The following DPH1 variants were observed in gnomAD, a reference collection of about 807,000 sequenced individuals.
DPH1 encodes the protein 2-(3-amino-3-carboxypropyl)histidine synthase subunit 1.
A neutral mutation model predicts 55.3 loss-of-function variants in DPH1; 59 were observed. The ratio of observed to expected loss-of-function variants is 1.07; its 90% CI spans 0.87 to 1.33. The LOEUF (loss-of-function observed/expected upper bound fraction) is 1.33, where lower values mean the gene tolerates loss of function less well. DPH1 is among the 40% of genes most tolerant of loss of function. The pLI, the probability that DPH1 is intolerant of heterozygous loss-of-function variation, is 0.00. For synonymous variants in DPH1, 238 were observed against 235.5 expected, an observed-to-expected ratio of 1.01 and a Z score of -0.10; for missense variants, 628 against 584.8, an observed-to-expected ratio of 1.07 and a Z score of -0.76.
intron 12 of DPH1, 108 bp from the exon 13 acceptor site, chr17:2,042,497 A>T: frequency 7.1e-7 from 1 of 1,401,702 alleles, no homozygotes; most frequent in Non-Finnish European, 9.3e-7. Flanking sequence ...TTTTGCCTCG[A>T]TTCCCTTTTT....
At chr17:2,042,107 G>T in intron 12 of DPH1, 1 of 1,568,836 alleles carries the variant, frequency 6.4e-7, no homozygotes, top group Non-Finnish European at 8.6e-7. Context: ...AGAGCGAGCG[G>T]GGCTTCCGTG....
chr17:2,042,244 C>T (rs2067549969), intron 12 of DPH1: 20 of 1,414,282 alleles, frequency 1.4e-5, no homozygotes, highest in Non-Finnish European at 1.7e-5. Context: ...GAGACAAGCC[C>T]CGCTCCGGAA....
Position 2,041,479 on chromosome 17 carries a change from A to G in DPH1, c.1087-2A>G, listed in dbSNP as rs1390388854. 6.2e-7 allele frequency: 1 copy of G among 1,601,382 alleles called. No homozygotes were observed. Among genetic ancestry groups the G allele is most frequent in the African/African-American group, 1.3e-5 (1 of 74,326 alleles). On this transcript the variant is annotated splice_acceptor_variant, in intron 10 of 12. Transcript: ENST00000263083. LOFTEE classifies it high-confidence loss of function. ...TTATTGTCCCTCCCTCCCCTCCCCTAGGCGGCCGTGGCTCTGAGGGACATT... is the reference window on the plus strand; with the variant it reads ...TTATTGTCCCTCCCTCCCCTCCCCTGGGCGGCCGTGGCTCTGAGGGACATT...
intron 7 of DPH1, 132 bp downstream of exon 7, chr17:2,039,955 C>A: frequency 7.3e-7 from 1 of 1,379,054 alleles, no homozygotes; most frequent in Non-Finnish European, 1.0e-6. Context: ...GGCACTTGGG[C>A]CCTGGATCTG....
Position 2,036,917 on chromosome 17 carries a change from G to C in DPH1, c.641G>C (p.Cys214Ser), listed in dbSNP as rs2067436299. The change falls in exon 6 of 13, where the codon TGC becomes TCC. Residue 214 changes from cysteine to serine, a missense_variant. Transcript: ENST00000263083. This position sits in a 1 kb window ranked among gnomAD's most constrained non-coding sequence, Gnocchi z 4.8. ...CTGTCCCCTGGAGAGATCCTGGGCT[G>C]CACATCCCCCCGACTGTCCAAAGAG... The part of the protein sequence containing the change: ...KPLSPGEILG[C>S]TSPRLSKEVE... The C allele has an allele frequency of 1.2e-6, 2 of 1,613,746 alleles. No homozygotes were observed. The highest frequency in any genetic ancestry group is 1.7e-6 in the Non-Finnish European group (2 of 1,179,988).
At chr17:2,034,472 C>A (rs1375146806) in intron 3 of DPH1, among the ~76,000 whole-genome samples, 1 of 138,738 alleles carries the variant, frequency 7.2e-6, no homozygotes, top group African/African-American at 2.7e-5. Context: ...TGCCCCATCG[C>A]CCTCCCCTGC....
At chr17:2,042,116 TGA>T in intron 12 of DPH1, 1 of 1,565,516 alleles carries the variant, frequency 6.4e-7, no homozygotes, top group Admixed American at 1.8e-5. Context: ...GGGGCTTCCG[TGA>T]GAAGACCGGG....
At chr17:2,031,089 C>T (rs566719320) in intron 1 of DPH1, among the ~76,000 whole-genome samples, 1 of 152,276 alleles carries the variant, frequency 6.6e-6, no homozygotes, top group Admixed American at 6.5e-5. Context: ...TATCCTCAGA[C>T]TCTGTGGCTC....
chr17:2,042,394 C>G (rs1039036795), intron 12 of DPH1: 1 of 1,275,300 alleles, frequency 7.8e-7, no homozygotes, highest in African/African-American at 1.6e-5. Flanking sequence ...CAAACTGCAG[C>G]CTGTCCTCCC....
intron 1 of DPH1, among the ~76,000 whole-genome samples, chr17:2,031,815 A>G (rs2067336409): frequency 6.6e-6 from 1 of 152,138 alleles, no homozygotes; most frequent in Non-Finnish European, 1.5e-5. Flanking sequence ...AGACCAGAGT[A>G]AGAGTTGCAG....
In DPH1 at chr17:2,043,859, GACAGT is replaced by G. The variant is rs1332574359; in HGVS notation, c.*1278_*1282del. Among the ~76,000 whole-genome samples the G allele has an allele frequency of 6.6e-6, 1 of 152,202 alleles. No homozygotes were observed. Among genetic ancestry groups the G allele is most frequent in the Non-Finnish European group, 1.5e-5 (1 of 68,048 alleles). On this transcript the variant is annotated 3_prime_UTR_variant, in exon 13 of 13. Transcript: ENST00000263083. ...TGCCAGACCTTAGGTGGAGGCCAAA[GACAGT>G]ACAGAATAAACAGCTTCTTCCTAAA...
Position 2,036,284 on chromosome 17 carries a change from C to T in DPH1, c.400+193C>T, listed in dbSNP as rs1021462570. The T allele has an allele frequency of 1.7e-6, 2 of 1,178,296 alleles. No homozygotes were observed. The highest frequency in any genetic ancestry group is 1.5e-5 in the African/African-American group (1 of 64,562). The allele number at this position is 1,178,296 out of a possible 1,614,324, so 73.0% of individuals were successfully genotyped here. On this transcript the variant is annotated intron_variant, in intron 4 of 12. Coordinates refer to ENST00000263083, the MANE Select transcript of DPH1 (RefSeq NM_001383.6). The surrounding 1 kb of genome is among the most constrained non-coding windows in gnomAD (Gnocchi z 4.8). Reference sequence around the variant, plus strand: ...GGATTTGGTTGCCTTGGCAACGGTGCTCTGTCCCAGATGCAGGTGTTTGAA... The same window carrying T: ...GGATTTGGTTGCCTTGGCAACGGTGTTCTGTCCCAGATGCAGGTGTTTGAA...
Position 2,042,996 on chromosome 17 carries a change from C to T in DPH1, c.*410C>T. 5 of 1,614,130 alleles carry T rather than the reference C, an allele frequency of 3.1e-6. No individual in the cohort carries two copies. The highest frequency in any genetic ancestry group is 4.2e-6 in the Non-Finnish European group (5 of 1,180,036). ...CTCAGGAGAGTGTGCAACTGGCCAG[C>T]CAATTTCCCGGAGCCATCACCCTCA... On this transcript the variant is annotated 3_prime_UTR_variant, in exon 13 of 13. Coordinates refer to ENST00000263083, the MANE Select transcript of DPH1 (RefSeq NM_001383.6).
intron 3 of DPH1, among the ~76,000 whole-genome samples, 163 bp from the exon 4 acceptor site, chr17:2,035,807 G>T (rs1212116717): frequency 6.6e-6 from 1 of 152,094 alleles, no homozygotes; most frequent in Non-Finnish European, 1.5e-5. Context: ...CGGCAGCTGT[G>T]CCCCTCCTAA....
Position 2,040,391 on chromosome 17 carries a change from C to T in DPH1, c.906+17C>T, listed in dbSNP as rs1490538977. On this transcript the variant is annotated intron_variant, in intron 8 of 12. Coordinates refer to ENST00000263083, the MANE Select transcript of DPH1 (RefSeq NM_001383.6). ...ATCCTGGAGGTCAGTGGGCTCAGGA[C>T]AGCCTCTGGAGGAGGGAAGTGACTG... is the stretch of plus-strand genomic sequence containing the variant. The T allele has an allele frequency of 4.3e-6, 7 of 1,613,756 alleles. No homozygotes were observed. Among genetic ancestry groups the T allele is most frequent in the Non-Finnish European group, 4.2e-6 (5 of 1,179,892 alleles).
rs1353666549 is a variant in DPH1, at chr17:2,041,825, A to G, written c.1285A>G (p.Arg429Gly). 2 of 1,604,586 alleles carry G rather than the reference A, an allele frequency of 1.2e-6. No homozygotes were observed. Among genetic ancestry groups the G allele is most frequent in the East Asian group, 2.2e-5 (1 of 44,450 alleles). The change falls in exon 12 of 13, where the codon AGG (arginine) becomes GGG (glycine). Residue 429 changes from arginine (R) to glycine (G), a missense_variant. Coordinates refer to ENST00000263083, the MANE Select transcript of DPH1 (RefSeq NM_001383.6). ...CGTGGCTTGCGAGGACTGCAGCTGC[A>G]GGGACGAGAAGGTGGCGCCGCTGGC... ...SAVACEDCSC[R>G]DEKVAPLAP
intron 10 of DPH1, 92 bp from the exon 11 acceptor site, chr17:2,041,389 G>A: frequency 2.0e-6 from 3 of 1,528,590 alleles, no homozygotes; most frequent in Admixed American, 1.9e-5. Context: ...GGGACAGTGT[G>A]CCCTTCACAG....
rs1315794220 is a variant in DPH1 at position 2,030,179 on chromosome 17, C to A, written c.10C>A (p.Leu4Met). MAA[L>M]VVSGAAEQGG... ...CATGCGCAGGCAGGTGATGGCGGCGCTGGTCGTATCCGGGGCAGCGGAGCA... is the reference window on the plus strand; with the variant it reads ...CATGCGCAGGCAGGTGATGGCGGCGATGGTCGTATCCGGGGCAGCGGAGCA... Residue 4 changes from leucine to methionine, a missense_variant, in exon 1 of 13, where the codon CTG (leucine) becomes ATG (methionine). Coordinates refer to ENST00000263083, the MANE Select transcript of DPH1 (RefSeq NM_001383.6). 1.9e-6 allele frequency: 3 copies of A among 1,603,056 alleles called. No homozygotes were observed. The African/African-American group carries it at 4.0e-5, about 21-fold the overall frequency.
At chr17:2,037,131 T>G in intron 6 of DPH1, 175 bp downstream of exon 6, 1 of 912,956 alleles carries the variant, frequency 1.1e-6, no homozygotes, top group South Asian at 1.9e-5. Context: ...TACTGTCGCT[T>G]TCTCCACTGC....
Sources: gnomAD v4.1 joint callset for allele counts (sites outside exome capture counted in the v4.1 genomes callset) on GRCh38, gnomAD v4.1.1 for gene constraint, Gnocchi (gnomAD v3.1) non-coding constraint, MANE v1.5 for transcripts, NCBI Gene and HGNC (gene_info 2026-07-23, HGNC 2026-07-21) for gene names.